Variants in SUN3 observed in about 807,000 individuals in gnomAD.
SUN3 encodes the protein SUN domain-containing protein 3.
Under a neutral mutation model 48.2 loss-of-function variants are expected in SUN3, and 36 were observed. The observed-to-expected ratio is 0.75, with a 90% CI of 0.57 to 0.99. SUN3 has a LOEUF of 0.99. Ranked by LOEUF, SUN3 falls within the 50% of genes least tolerant of loss-of-function variation. The pLI is 0.00. For synonymous variants in SUN3, 148 were observed against 147.9 expected, an observed-to-expected ratio of 1.00 and a Z score of 0.00; for missense variants, 419 against 433.1, an observed-to-expected ratio of 0.97 and a Z score of 0.29.
chr7:48,009,862 A>G (rs377102673), intron 3 of SUN3, among the ~76,000 whole-genome samples: 11 of 152,098 alleles, frequency 7.2e-5, no homozygotes, highest in African/African-American at 2.4e-4. Context: ...CCTGTTCCTC[A>G]CCTGGAATGG....
chr7:48,025,774 G>T, intron 2 of SUN3, 103 bp downstream of exon 2: 1 of 725,936 alleles, frequency 1.4e-6, no homozygotes, highest in Non-Finnish European at 2.3e-6. Context: ...AGCACTTTCC[G>T]TGGCATTTAT....
chr7:48,009,492 A>G (rs1789623384), intron 3 of SUN3, among the ~76,000 whole-genome samples: 1 of 152,212 alleles, frequency 6.6e-6, no homozygotes, highest in Non-Finnish European at 1.5e-5. Context: ...TGGCGACGTT[A>G]GAGGACCATG....
chr7:48,015,210 A>C (rs891546665), intron 3 of SUN3, among the ~76,000 whole-genome samples: 13 of 152,164 alleles, frequency 8.5e-5, no homozygotes, highest in African/African-American at 3.1e-4. Context: ...CTAACTATCC[A>C]GCTTCAGCTC....
In SUN3 at chr7:47,995,399, G is replaced by A. The variant is rs149608126; in HGVS notation, c.693+632C>T. The stretch of plus-strand genomic sequence containing the variant: ...TGGTGGTGGTGGTTATGGTGGTAGA[G>A]AAGAAAAATGAGGTCTACTACTTTG... On this transcript the variant is annotated intron_variant, in intron 7 of 9. Coordinates refer to ENST00000297325, the MANE Select transcript of SUN3 (RefSeq NM_001030019.2). Among the ~76,000 whole-genome samples, 328 of 152,230 alleles carry A rather than the reference G, an allele frequency of 2.2e-3. 1 individual carries two copies. Among genetic ancestry groups the A allele is most frequent in the African/African-American group, 7.4e-3 (307 of 41,532 alleles).
intron 4 of SUN3, among the ~76,000 whole-genome samples, chr7:48,008,643 A>G (rs941588269): frequency 3.9e-5 from 6 of 152,312 alleles, no homozygotes; most frequent in African/African-American, 1.4e-4. Context: ...TACAAATGTT[A>G]CTGTTTGGTG....
At chr7:48,004,572 C>T (rs1382125196) in intron 6 of SUN3, among the ~76,000 whole-genome samples, 1 of 152,336 alleles carries the variant, frequency 6.6e-6, no homozygotes, top group East Asian at 1.9e-4. Flanking sequence ...GAGGTGAGGC[C>T]AGAAGCTGGC....
intron 8 of SUN3, among the ~76,000 whole-genome samples, chr7:47,993,665 A>G (rs183334812): frequency 5.9e-5 from 9 of 152,262 alleles, no homozygotes; most frequent in Admixed American, 5.2e-4. Flanking sequence ...GGAGTACACT[A>G]GGGGAATAGG....
chr7:48,019,932 A>G (rs1439369558), intron 2 of SUN3, among the ~76,000 whole-genome samples: 1 of 149,234 alleles, frequency 6.7e-6, no homozygotes, highest in East Asian at 2.0e-4. Context: ...AACTCATTCT[A>G]CAAGGCCAGT....
chr7:48,003,597 TA>T (rs1194279679), intron 6 of SUN3, among the ~76,000 whole-genome samples: 1 of 152,250 alleles, frequency 6.6e-6, no homozygotes, highest in Non-Finnish European at 1.5e-5. Flanking sequence ...CAATGGTTTA[TA>T]GTTCTTTTTG....
chr7:48,032,682 T>C (rs987369336), upstream of SUN3, among the ~76,000 whole-genome samples: 6 of 152,236 alleles, frequency 3.9e-5, no homozygotes, highest in Non-Finnish European at 7.3e-5. Flanking sequence ...CCCCTCCAGT[T>C]GGTGGAACCC....
chr7:48,030,757 C>G (rs2128786440), upstream of SUN3, among the ~76,000 whole-genome samples: 1 of 152,234 alleles, frequency 6.6e-6, no homozygotes, highest in East Asian at 1.9e-4. Context: ...GTGAATATAT[C>G]TTTAAGGATA....
chr7:48,012,361 AG>A (rs1789707227), intron 3 of SUN3, among the ~76,000 whole-genome samples: 1 of 151,476 alleles, frequency 6.6e-6, no homozygotes, highest in Non-Finnish European at 1.5e-5. Flanking sequence ...CCATGGGCAA[AG>A]CCCAGTTTTA....
chr7:48,035,184 T>C, the SUN3 span, among the ~76,000 whole-genome samples: 1 of 152,200 alleles, frequency 6.6e-6, no homozygotes, highest in Non-Finnish European at 1.5e-5. The surrounding 1 kb of genome is among the most constrained non-coding windows in gnomAD (Gnocchi z 4.0). Context: ...CGCTCTACAG[T>C]AACTGTGGTT....
upstream of SUN3, among the ~76,000 whole-genome samples, chr7:48,033,036 A>G (rs1029680420): frequency 2.6e-5 from 4 of 152,274 alleles, no homozygotes; most frequent in Non-Finnish European, 5.9e-5. Context: ...AAGTGAAAAA[A>G]TTAGGCATAA....
At chr7:47,987,917 A>C (rs1393059422) in intron 9 of SUN3, among the ~76,000 whole-genome samples, 3 of 152,228 alleles carry the variant, frequency 2.0e-5, no homozygotes, top group Non-Finnish European at 2.9e-5. Flanking sequence ...TAAAGAGCTT[A>C]TGAAAAGATA....
At chr7:48,002,790 G>A (rs561635881) in intron 6 of SUN3, among the ~76,000 whole-genome samples, 1 of 152,212 alleles carries the variant, frequency 6.6e-6, no homozygotes, top group South Asian at 2.1e-4. Context: ...TGTCTTTGTC[G>A]TGATATCTTT....
At position 48,028,991 on chromosome 7, in the gene SUN3, T is replaced by C; in HGVS notation, c.-53A>G. 6.2e-7 allele frequency: 1 copy of C among 1,608,580 alleles called. No individual in the cohort carries two copies. Among genetic ancestry groups the C allele is most frequent in the Non-Finnish European group, 8.5e-7 (1 of 1,178,388 alleles). On this transcript the variant is annotated 5_prime_UTR_variant, in exon 1 of 10. Coordinates refer to ENST00000297325, the MANE Select transcript of SUN3 (RefSeq NM_001030019.2). The stretch of plus-strand genomic sequence containing the variant: ...GTAGGATGAAGAGCAACATTTGTCC[T>C]CATTCCTATTTTATGAAAAACATGA...
upstream of SUN3, among the ~76,000 whole-genome samples, chr7:48,029,400 A>G (rs781061921): frequency 6.6e-6 from 1 of 152,250 alleles, no homozygotes; most frequent in Non-Finnish European, 1.5e-5. Flanking sequence ...ACAGATAACT[A>G]CAACCTGAAA....
At chr7:48,007,830 T>G (rs928519336) in intron 4 of SUN3, among the ~76,000 whole-genome samples, 1 of 151,676 alleles carries the variant, frequency 6.6e-6, no homozygotes, top group Admixed American at 6.6e-5. Context: ...AGAATGTTTT[T>G]TTTTTTTTTT....
Sources: allele counts gnomAD v4.1 joint callset (sites outside exome capture counted in the v4.1 genomes callset), GRCh38; gene constraint gnomAD v4.1.1; non-coding constraint Gnocchi (gnomAD v3.1); transcripts MANE v1.5; gene names NCBI Gene and HGNC (gene_info 2026-07-23, HGNC 2026-07-21).